Variants in VAC14 observed in about 807,000 individuals in gnomAD.
VAC14 encodes VAC14 component of PIKFYVE complex, also known as protein VAC14 homolog.
In VAC14, 47 loss-of-function variants were observed where a neutral mutation model predicts 85.3. That is an observed-to-expected ratio of 0.55 (90% CI 0.44 to 0.70). VAC14 has a LOEUF of 0.70. VAC14 is among the 30% of genes least tolerant of loss of function. The pLI, the probability that VAC14 is intolerant of heterozygous loss-of-function variation, is 0.00. For synonymous variants in VAC14, 447 were observed against 430.5 expected (o/e 1.04, Z -0.47); for missense variants, 861 against 1,004.3 (o/e 0.86, Z 1.93).
chr16:70,760,954 G>C (rs1037084367), intron 12 of VAC14, among the ~76,000 whole-genome samples: 5 of 123,444 alleles, frequency 4.1e-5, no homozygotes, highest in African/African-American at 1.6e-4. Context: ...GGTGGTGCAC[G>C]AAGAGAGGGT....
chr16:70,776,627 G>A (rs2033532010), intron 9 of VAC14, among the ~76,000 whole-genome samples: 2 of 151,446 alleles, frequency 1.3e-5, no homozygotes, highest in South Asian at 4.2e-4. Flanking sequence ...ATGGGGTCTC[G>A]CTATATTGCC....
chr16:70,711,214 G>A (rs1351706875), intron 14 of VAC14, among the ~76,000 whole-genome samples: 1 of 152,224 alleles, frequency 6.6e-6, no homozygotes. Context: ...TCCACGATCT[G>A]TACTCTCAAC....
At chr16:70,743,581 C>A (rs2030572505) in intron 13 of VAC14, among the ~76,000 whole-genome samples, 1 of 152,214 alleles carries the variant, frequency 6.6e-6, no homozygotes, top group African/African-American at 2.4e-5. Flanking sequence ...ATCTGAACAT[C>A]TGAAGAACCA....
chr16:70,799,373 G>A (rs144091978), intron 1 of VAC14, among the ~76,000 whole-genome samples: 14 of 152,190 alleles, frequency 9.2e-5, no homozygotes, highest in Admixed American at 3.9e-4. Flanking sequence ...TGTCTGATGA[G>A]AGAAGCAGCT....
intron 14 of VAC14, among the ~76,000 whole-genome samples, chr16:70,711,985 C>T (rs1209500928): frequency 3.3e-5 from 5 of 152,096 alleles, no homozygotes; most frequent in East Asian, 1.9e-4. Flanking sequence ...GTGCCACAGC[C>T]GTAGTGGTGG....
rs1440499187 is a variant in VAC14 at position 70,744,573 on chromosome 16, G to A, written c.1378C>T (p.Leu460=). 3 of 1,598,116 alleles carry A rather than the reference G, an allele frequency of 1.9e-6. No individual in the cohort carries two copies. The highest frequency in any genetic ancestry group is 1.7e-6 in the Non-Finnish European group (2 of 1,172,754). The stretch of plus-strand genomic sequence containing the variant: ...TCTGCCAGCACCTCCAGGTCCTTCA[G>A]GATCACCTGGGGAGAGAAGCGGGGC... ...TLSDESDEVI[L]KDLEVLAEIA... Residue 460 remains leucine, a synonymous_variant, in exon 13 of 19, where the codon CTG becomes TTG. Coordinates refer to ENST00000261776, the MANE Select transcript of VAC14 (RefSeq NM_018052.5).
At chr16:70,792,517 G>A (rs1466618213) in intron 1 of VAC14, among the ~76,000 whole-genome samples, 2 of 152,214 alleles carry the variant, frequency 1.3e-5, no homozygotes, top group Non-Finnish European at 2.9e-5. Flanking sequence ...TCTAGAGGCT[G>A]CTCAGAGCCT....
intron 14 of VAC14, among the ~76,000 whole-genome samples, chr16:70,731,076 G>A (rs79430972): frequency 6.6e-6 from 1 of 152,312 alleles, no homozygotes; most frequent in East Asian, 1.9e-4. Context: ...ATCCTGGGCT[G>A]GGCTCACATG....
chr16:70,785,999 A>G (rs951889701), intron 2 of VAC14, 130 bp from the exon 3 acceptor site: 16 of 1,333,748 alleles, frequency 1.2e-5, no homozygotes, highest in Non-Finnish European at 1.5e-5. Context: ...GGGCTCAAAG[A>G]CCCTTCCCAA....
At chr16:70,706,372 G>A (rs569880072) in intron 14 of VAC14, among the ~76,000 whole-genome samples, 30 of 152,360 alleles carry the variant, frequency 2.0e-4, no homozygotes, top group African/African-American at 7.0e-4. Flanking sequence ...CAGCAGGAGG[G>A]CAACAGGCTT....
chr16:70,772,410 A>G (rs2033285767), intron 9 of VAC14: 2 of 504,498 alleles, frequency 4.0e-6, no homozygotes, highest in South Asian at 3.0e-5. Flanking sequence ...CACCAGTGCT[A>G]AACACATCTG....
In VAC14 at chr16:70,692,893, G is replaced by A. The variant is rs770768430; in HGVS notation, c.2114C>T (p.Pro705Leu). 2 of 1,609,136 alleles carry A rather than the reference G, an allele frequency of 1.2e-6. No homozygotes were observed. Among genetic ancestry groups the A allele is most frequent in the Non-Finnish European group, 1.7e-6 (2 of 1,178,754 alleles). ...GAGCAGCTGGAAGGCGCTGCTCTGCGGCAGGAGCATGAGCAGGCCGTAGAG... is the reference window on the plus strand; with the variant it reads ...GAGCAGCTGGAAGGCGCTGCTCTGCAGCAGGAGCATGAGCAGGCCGTAGAG... The part of the protein sequence containing the change: ...KALYGLLMLL[P>L]QSSAFQLLSH... The change falls in exon 18 of 19, where the codon CCG becomes CTG. Residue 705 changes from proline to leucine, a missense_variant. By Grantham distance (98) the Pro-to-Leu change is moderately conservative. This residue lies in a region of VAC14 where 163 missense variants were observed against 162.2 expected (regional missense o/e 1.00). Coordinates refer to ENST00000261776, the MANE Select transcript of VAC14 (RefSeq NM_018052.5).
At position 70,755,658 on chromosome 16, in the gene VAC14, C is replaced by T. The variant is rs552778426; in HGVS notation, c.1371+6882G>A. On this transcript the variant is annotated intron_variant, in intron 12 of 18. Coordinates refer to ENST00000261776, the MANE Select transcript of VAC14 (RefSeq NM_018052.5). ...CCCCGCAGACTTCAGCTGGGGCCCT[C>T]TCCTCCTCCTAGTCTCCTCCCACTG... Among the ~76,000 whole-genome samples the T allele has an allele frequency of 3.9e-5, 6 of 152,332 alleles. No individual in the cohort carries two copies. The East Asian group carries it at 1.2e-3, about 29-fold the overall frequency.
chr16:70,744,563 A>T lies in VAC14; in HGVS notation c.1388T>A (p.Leu463Gln). 6.2e-7 allele frequency: 1 copy of T among 1,602,950 alleles called. No homozygotes were observed. The highest frequency in any genetic ancestry group is 8.5e-7 in the Non-Finnish European group (1 of 1,175,106). The change falls in exon 13 of 19, where the codon CTG (leucine) becomes CAG (glutamine). Residue 463 changes from leucine to glutamine, a missense_variant. Physicochemically the swap from Leu to Gln is moderately radical, Grantham distance 113 (BLOSUM62 -2). Around this residue, in one of 3 missense-constraint regions of VAC14, gnomAD observed 629 missense variants for 703.1 expected, o/e 0.89. Transcript: ENST00000261776. ...DESDEVILKDLEVLAEIASSP... is the reference protein window; with the variant it reads ...DESDEVILKDQEVLAEIASSP... ...GGAAGCGATTTCTGCCAGCACCTCC[A>T]GGTCCTTCAGGATCACCTGGGGAGA...
chr16:70,703,806 G>T (rs941759704), intron 14 of VAC14, among the ~76,000 whole-genome samples: 1 of 152,222 alleles, frequency 6.6e-6, no homozygotes, highest in African/African-American at 2.4e-5. Context: ...CCCAGCAGAG[G>T]GGGCGGTCAC....
intron 9 of VAC14, chr16:70,779,048 C>CG (rs2033672879): frequency 6.6e-6 from 1 of 152,164 alleles, no homozygotes; most frequent in Admixed American, 6.5e-5. Flanking sequence ...CTGCATTGGC[C>CG]GGGAATCGAA....
intron 12 of VAC14, among the ~76,000 whole-genome samples, chr16:70,754,372 C>G (rs1231688778): frequency 6.6e-6 from 1 of 152,236 alleles, no homozygotes; most frequent in Non-Finnish European, 1.5e-5. Flanking sequence ...AGACCACAGT[C>G]CTCTCTGAAC....
chr16:70,783,701 C>A lies in VAC14; in HGVS notation c.595-147G>T, dbSNP rs180982159. The A allele has an allele frequency of 6.8e-3, 5,085 of 748,540 alleles. 27 individuals carry two copies. Among genetic ancestry groups the A allele is most frequent in the Non-Finnish European group, 9.5e-3 (4,306 of 455,588 alleles). 46.4% of individuals were successfully genotyped at this position (748,540 alleles called of 1,614,324 possible). A position where few individuals can be genotyped will look rare whatever the true frequency, so the allele number is the denominator to read the frequency against. On this transcript the variant is annotated intron_variant, in intron 5 of 18. Coordinates refer to ENST00000261776, the MANE Select transcript of VAC14 (RefSeq NM_018052.5). ...AGGTGTCCCATGTGGGAGGAGGGTG[C>A]TGGCAAGGACAGTCAGCATTTCTTG...
intron 18 of VAC14, chr16:70,689,871 C>T (rs1354974497): frequency 2.0e-6 from 2 of 985,404 alleles, no homozygotes; most frequent in Non-Finnish European, 2.4e-6. Flanking sequence ...GCTTGGACTT[C>T]TAAGGAGGCC....
Sources: gnomAD v4.1 joint callset for allele counts (sites outside exome capture counted in the v4.1 genomes callset) on GRCh38, gnomAD v4.1.1 for gene constraint, gnomAD v4.1.1 regional missense constraint, MANE v1.5 for transcripts, NCBI Gene and HGNC (gene_info 2026-07-23, HGNC 2026-07-21) for gene names.